Variants in MGAM observed in about 807,000 individuals in gnomAD.
MGAM encodes alpha-1,4-glucosidase.
Under a neutral mutation model 358.8 loss-of-function variants are expected in MGAM, and 253 were observed. The ratio of observed to expected loss-of-function variants is 0.71; its 90% CI spans 0.64 to 0.78. The LOEUF is 0.78. Among genes scored for constraint, MGAM ranks in the 30% least tolerant of loss-of-function variants. The pLI is 0.00. For missense variants in MGAM, 3,080 were observed against 3,432.6 expected (o/e 0.90, Z 2.57); for synonymous variants, 1,105 against 1,227.1 (o/e 0.90, Z 2.08).
At position 142,056,053 on chromosome 7, in the gene MGAM, C is replaced by G. The variant is rs200989242; in HGVS notation, c.3537C>G (p.Asp1179Glu). ...VHPYYMGLEE[D>E]GSAHGVLLLN... ...CCTACTACATGGGGCTGGAGGAGGA[C>G]GGCAGTGCCCATGGAGTGCTCCTGC... The change falls in exon 29 of 71, where the codon GAC (aspartate) becomes GAG (glutamate). Residue 1179 changes from aspartate (D) to glutamate (E), a missense_variant. This residue lies in a region of MGAM where 1,816 missense variants were observed against 1,840.5 expected (regional missense o/e 0.99). Transcript: ENST00000475668. 6.2e-7 allele frequency: 1 copy of G among 1,611,362 alleles called. No homozygotes were observed. The highest frequency in any genetic ancestry group is 8.5e-7 in the Non-Finnish European group (1 of 1,179,000).
rs193082652 is a variant in MGAM, at chr7:142,071,749, C to T, written c.5186+631C>T. The stretch of plus-strand genomic sequence containing the variant: ...TCTCAACTTCCTCTTTCTTTTCTCC[C>T]GCTAAGAGATTTCTTTCTTGTGATT... On this transcript the variant is annotated intron_variant, in intron 44 of 70. Transcript: ENST00000475668. 2.3e-4 allele frequency among the ~76,000 whole-genome samples: 34 copies of T among 145,822 alleles called. 1 individual carries two copies. The highest frequency in any genetic ancestry group is 6.8e-4 in the African/African-American group (28 of 41,136).
chr7:142,034,302 G>A lies in MGAM; in HGVS notation c.1710G>A (p.Met570Ile). 1 of 1,600,160 alleles carries A rather than the reference G, an allele frequency of 6.2e-7. No homozygotes were observed. The highest frequency in any genetic ancestry group is 8.5e-7 in the Non-Finnish European group (1 of 1,173,204). Reference protein sequence around the residue: ...DGYLFCKTLCMDAVQHWGKQY... With the variant: ...DGYLFCKTLCIDAVQHWGKQY... ...ACCTGTTCTGCAAGACTCTCTGTAT[G>A]GATGCAGTGCAGCACTGGGGCAAGC... Residue 570 changes from methionine (M) to isoleucine (I), a missense_variant, in exon 15 of 71, where the codon ATG becomes ATA. By Grantham distance (10) the Met-to-Ile change is conservative. Transcript: ENST00000475668.
chr7:142,053,946 C>T (rs778974815), intron 26 of MGAM, among the ~76,000 whole-genome samples: 15 of 152,170 alleles, frequency 9.9e-5, no homozygotes, highest in African/African-American at 2.9e-4. Flanking sequence ...ACCTCTTGAC[C>T]GTAGAGTAAC....
chr7:141,993,550 C>G (rs543818324), upstream of MGAM, among the ~76,000 whole-genome samples: 2 of 152,220 alleles, frequency 1.3e-5, no homozygotes, highest in African/African-American at 4.8e-5. Context: ...GAGCGGGGAA[C>G]TCTGCCCCAC....
At chr7:142,010,407 A>G (rs1805512683) in intron 3 of MGAM, among the ~76,000 whole-genome samples, 5 of 152,058 alleles carry the variant, frequency 3.3e-5, no homozygotes. Flanking sequence ...AGTTCTATTA[A>G]GCTTCTAGTT....
At chr7:142,049,293 T>C (rs1323988128) in intron 22 of MGAM, among the ~76,000 whole-genome samples, 1 of 152,202 alleles carries the variant, frequency 6.6e-6, no homozygotes, top group Non-Finnish European at 1.5e-5. Context: ...ATATCTTTGC[T>C]ACTGTGCAGA....
intron 58 of MGAM, among the ~76,000 whole-genome samples, 198 bp from the exon 59 acceptor site, chr7:142,092,323 T>C (rs1359485510): frequency 6.9e-6 from 1 of 145,882 alleles, no homozygotes; most frequent in Non-Finnish European, 1.6e-5. Context: ...GATTTTTTTT[T>C]AACCCTCTAG....
At chr7:142,005,384 C>A in intron 1 of MGAM, 145 bp from the exon 2 acceptor site, 1 of 568,934 alleles carries the variant, frequency 1.8e-6, no homozygotes, top group Non-Finnish European at 2.9e-6. Context: ...TGGCCATGAG[C>A]TGATAATTTT....
In MGAM at chr7:142,064,407, C is replaced by A. The variant is rs1230394650; in HGVS notation, c.4369C>A (p.Leu1457Met). 2.5e-6 allele frequency: 4 copies of A among 1,608,582 alleles called. No individual in the cohort carries two copies. In the East Asian group the frequency reaches 8.9e-5, roughly 36 times the overall value. Residue 1457 changes from leucine to methionine, a missense_variant, in exon 37 of 71, where the codon CTG (leucine) becomes ATG (methionine). Physicochemically the swap from Leu to Met is conservative, Grantham distance 15. Coordinates refer to ENST00000475668, the MANE Select transcript of MGAM (RefSeq NM_001365693.1). ...MPHLESRDRG[L>M]SSKTLCMESQ... ...AGATTTGGAGTCCAGGGACAGGGGC[C>A]TGAGCAGCAAGACCCTTTGTATGGA...
rs756899553 is a variant in MGAM, at chr7:142,070,965, C to A, written c.5062-29C>A. ...TCAGGGAGGGGCCTGTCCTCTCCTT[C>A]ATCATCTTTTACCTTCTTCTGCCCC... On this transcript the variant is annotated intron_variant, in intron 43 of 70. Coordinates refer to ENST00000475668, the MANE Select transcript of MGAM (RefSeq NM_001365693.1). 7.7e-6 allele frequency: 12 copies of A among 1,555,004 alleles called. 2 individuals are homozygous for A. The highest frequency in any genetic ancestry group is 6.7e-5 in the South Asian group (6 of 89,122).
intron 21 of MGAM, among the ~76,000 whole-genome samples, chr7:142,041,491 T>C (rs1245704975): frequency 6.6e-6 from 1 of 152,098 alleles, no homozygotes; most frequent in Admixed American, 6.6e-5. Flanking sequence ...CTTCAAGCTG[T>C]TCTGCACACT....
At chr7:142,083,580 T>G (rs1814508892) in intron 53 of MGAM, among the ~76,000 whole-genome samples, 167 bp downstream of exon 53, 1 of 146,670 alleles carries the variant, frequency 6.8e-6, no homozygotes, top group Admixed American at 6.9e-5. Flanking sequence ...CCATTAAATT[T>G]ATAGCCTCTG....
intron 34 of MGAM, among the ~76,000 whole-genome samples, chr7:142,060,992 C>G (rs1563181443): frequency 6.6e-6 from 1 of 152,058 alleles, no homozygotes; most frequent in Non-Finnish European, 1.5e-5. Context: ...TCCAAGTAGT[C>G]CATGCTTCTG....
At chr7:142,044,978 A>G (rs1287115242) in intron 21 of MGAM, among the ~76,000 whole-genome samples, 3 of 106,796 alleles carry the variant, frequency 2.8e-5, no homozygotes, top group Non-Finnish European at 5.4e-5. Context: ...TATGATATAT[A>G]ATGTATATTA....
chr7:142,065,944 T>G (rs4276596), intron 40 of MGAM, 113 bp downstream of exon 40: 38,215 of 772,208 alleles, frequency 0.049, 4,425 homozygotes, highest in African/African-American at 0.21. Flanking sequence ...AAAAAAGGTG[T>G]TTTTTTTTGT....
chr7:142,096,201 C>A (rs1585106893), intron 64 of MGAM, 130 bp from the exon 65 acceptor site: 2 of 944,422 alleles, frequency 2.1e-6, no homozygotes, highest in Non-Finnish European at 3.4e-6. Flanking sequence ...GAAGCTAGGC[C>A]TAGGAAAAAG....
rs1254339102 is a variant in MGAM, at chr7:142,074,020, T to C, written c.5187-65T>C. On this transcript the variant is annotated intron_variant, in intron 44 of 70. Coordinates refer to ENST00000475668, the MANE Select transcript of MGAM (RefSeq NM_001365693.1). ...TCCAGTTTGAAATTTGATGGAAATA[T>C]TCTCAGCCCAGTTGGCAAAATTGTC... is the stretch of plus-strand genomic sequence containing the variant. 8.8e-5 allele frequency: 100 copies of C among 1,139,416 alleles called. 8 individuals carry two copies. The highest frequency in any genetic ancestry group is 3.7e-4 in the South Asian group (29 of 78,032). 70.6% of individuals were successfully genotyped at this position (1,139,416 alleles called of 1,614,324 possible). A position where few individuals can be genotyped will look rare whatever the true frequency, so the allele number is the denominator to read the frequency against.
rs1563191121 is a variant in MGAM at position 142,067,960 on chromosome 7, ATAT to A, written c.5004+536_5004+538del. ...AATATATATATATATATATATATAT[ATAT>A]AAATATATATATATATATATATATT... On this transcript the variant is annotated intron_variant, in intron 42 of 70. Coordinates refer to ENST00000475668, the MANE Select transcript of MGAM (RefSeq NM_001365693.1). 3.0e-3 allele frequency among the ~76,000 whole-genome samples: 122 copies of A among 40,154 alleles called. 9 individuals carry two copies. The highest frequency in any genetic ancestry group is 8.8e-3 in the African/African-American group (118 of 13,390). 26.3% of individuals were successfully genotyped at this position (40,154 alleles called of 152,430 possible). A position where few individuals can be genotyped will look rare whatever the true frequency, so the allele number is the denominator to read the frequency against.
At chr7:141,987,604 G>T (rs1005644611) in intron 2 of MGAM, among the ~76,000 whole-genome samples, 1 of 151,994 alleles carries the variant, frequency 6.6e-6, no homozygotes, top group Non-Finnish European at 1.5e-5. Context: ...GGGGAGGGGG[G>T]CATGGAGGAA....
Sources: allele counts gnomAD v4.1 joint callset (sites outside exome capture counted in the v4.1 genomes callset), GRCh38; gene constraint gnomAD v4.1.1; regional missense constraint gnomAD v4.1.1; transcripts MANE v1.5; gene names NCBI Gene and HGNC (gene_info 2026-07-23, HGNC 2026-07-21).